Variants in TKFC observed in about 807,000 individuals in gnomAD.
The protein encoded by TKFC is triokinase and FMN cyclase.
In TKFC, 46 loss-of-function variants were observed where a neutral mutation model predicts 61.0. The observed-to-expected ratio is 0.75, with a 90% CI of 0.60 to 0.96. The LOEUF is 0.96. Ranked by LOEUF, TKFC falls within the 50% of genes least tolerant of loss-of-function variation. The pLI is 0.00. For synonymous variants in TKFC, 314 were observed against 330.1 expected, an observed-to-expected ratio of 0.95 and a Z score of 0.53; for missense variants, 715 against 777.5, an observed-to-expected ratio of 0.92 and a Z score of 0.96.
Position 61,347,151 on chromosome 11 carries a change from G to GA in TKFC, c.*650dup. 1 of 985,388 alleles carries GA rather than the reference G, an allele frequency of 1.0e-6. No individual in the cohort carries two copies. The highest frequency in any genetic ancestry group is 1.2e-6 in the Non-Finnish European group (1 of 829,952). 61.0% of individuals were successfully genotyped at this position (985,388 alleles called of 1,614,324 possible). A position where few individuals can be genotyped will look rare whatever the true frequency, so the allele number is the denominator to read the frequency against. Reference sequence around the variant, plus strand: ...TGGTAGAGGGGCTTTTCTTAGCATTGAATTAATAATTCAGTGGCTCCTCGG... The same window carrying GA: ...TGGTAGAGGGGCTTTTCTTAGCATTGAAATTAATAATTCAGTGGCTCCTCGG... On this transcript the variant is annotated 3_prime_UTR_variant, in exon 18 of 18. Transcript: ENST00000394900.
chr11:61,340,073 C>T (rs1305634490), intron 5 of TKFC, among the ~76,000 whole-genome samples: 5 of 151,970 alleles, frequency 3.3e-5, no homozygotes, highest in East Asian at 1.9e-4. Flanking sequence ...TGCAGTGGCG[C>T]GATCTTGGCT....
In TKFC at chr11:61,338,057, TGA is replaced by T. The variant is rs1262086169; in HGVS notation, c.121_122del (p.Asp41ProfsTer19). The T allele has an allele frequency of 5.0e-5, 80 of 1,612,370 alleles. No individual in the cohort carries two copies. The highest frequency in any genetic ancestry group is 6.4e-5 in the Non-Finnish European group (76 of 1,179,750). On this transcript the variant is annotated frameshift_variant, in exon 3 of 18. Coordinates refer to ENST00000394900, the MANE Select transcript of TKFC (RefSeq NM_015533.4). ...AGGGCCACCGCGTGGCCCTCCGTTC[TGA>T]CCTGGACAGCCTCAAGGGCCGGGTG... is the stretch of plus-strand genomic sequence containing the variant. The part of the protein sequence containing the change: ...LQGHRVALRS[D>X]LDSLKGRVAL...
chr11:61,345,545 C>T lies in TKFC; in HGVS notation c.1431C>T (p.Ala477=), dbSNP rs374174647. 1.5e-5 allele frequency: 24 copies of T among 1,612,978 alleles called. No individual in the cohort carries two copies. Among genetic ancestry groups the T allele is most frequent in the South Asian group, 2.2e-5 (2 of 91,092 alleles). ...CAGCCTGGTCTGCTGCCATGGATGC[C>T]GGCCTGGAAGCCATGCAGAAGTGAG... ...SLPAWSAAMD[A]GLEAMQKYGK... Residue 477 remains alanine, a synonymous_variant, in exon 15 of 18, where the codon GCC becomes GCT. Transcript: ENST00000394900.
chr11:61,333,529 C>G (rs1358221066), intron 1 of TKFC, 200 bp downstream of exon 1: 2 of 152,356 alleles, frequency 1.3e-5, no homozygotes, highest in Non-Finnish European at 2.9e-5. Flanking sequence ...ACCTTGCCTG[C>G]TTTCCTTTCA....
chr11:61,347,169 C>A lies in TKFC; in HGVS notation c.*666C>A, dbSNP rs1857170000. ...TAGCATTGAATTAATAATTCAGTGG[C>A]TCCTCGGGAGTCGAATGGGCATTTG... On this transcript the variant is annotated 3_prime_UTR_variant, in exon 18 of 18. Coordinates refer to ENST00000394900, the MANE Select transcript of TKFC (RefSeq NM_015533.4). 1 of 985,390 alleles carries A rather than the reference C, an allele frequency of 1.0e-6. No individual in the cohort carries two copies. The highest frequency in any genetic ancestry group is 1.2e-6 in the Non-Finnish European group (1 of 829,948). The allele number at this position is 985,390 out of a possible 1,614,324, so 61.0% of individuals were successfully genotyped here. A position where few individuals can be genotyped will look rare whatever the true frequency, so the allele number is the denominator to read the frequency against.
intron 2 of TKFC, chr11:61,336,300 A>T (rs548550698): frequency 5.2e-5 from 8 of 154,550 alleles, no homozygotes; most frequent in South Asian, 2.0e-4. Flanking sequence ...TGTACAAAGG[A>T]GCTGGTGCTA....
downstream of TKFC, chr11:61,351,117 C>T: frequency 1.9e-6 from 3 of 1,613,710 alleles, no homozygotes; most frequent in Non-Finnish European, 2.5e-6. Context: ...CCTCACTGGG[C>T]AGGCTGTGGT....
At chr11:61,342,545 T>A (rs1025640826) in intron 8 of TKFC, 29 bp from the exon 9 acceptor site, 1 of 1,613,916 alleles carries the variant, frequency 6.2e-7, no homozygotes, top group Non-Finnish European at 8.5e-7. Context: ...GCCCCCCAGA[T>A]GCAGCTCATT....
Position 61,339,646 on chromosome 11 carries a change from C to T in TKFC, c.486+211C>T, listed in dbSNP as rs545489322. On this transcript the variant is annotated intron_variant, in intron 5 of 17. Transcript: ENST00000394900. ...CAGACTCGTCCCCTTTTCTTCTCCA[C>T]ACCCAATCAGTTGCCCGGTCCTGGT... 1.9e-5 allele frequency: 11 copies of T among 591,326 alleles called. No homozygotes were observed. The African/African-American group carries it at 2.0e-4, about 11-fold the overall frequency. The allele number at this position is 591,326 out of a possible 1,614,324, so 36.6% of individuals were successfully genotyped here. A position where few individuals can be genotyped will look rare whatever the true frequency, so the allele number is the denominator to read the frequency against.
At chr11:61,350,739 C>A, downstream of TKFC, 1 of 600,586 alleles carries the variant, frequency 1.7e-6, no homozygotes, top group Admixed American at 3.1e-5. Context: ...CACTTCACCC[C>A]ACAGAACCAC....
rs1857156137 is a variant in TKFC, at chr11:61,346,897, AAACT to A, written c.*396_*399del. ...AGTGAGCGTGAAAAAGAAAGTTAAT[AAACT>A]ATAATACATGGAAGCAAGAAAGACA... On this transcript the variant is annotated 3_prime_UTR_variant, in exon 18 of 18. Coordinates refer to ENST00000394900, the MANE Select transcript of TKFC (RefSeq NM_015533.4). This position sits in a 1 kb window ranked among gnomAD's most constrained non-coding sequence, Gnocchi z 4.1. 1 of 999,812 alleles carries A rather than the reference AAACT, an allele frequency of 1.0e-6. No individual in the cohort carries two copies. Among genetic ancestry groups the A allele is most frequent in the South Asian group, 4.6e-5 (1 of 21,906 alleles). 61.9% of individuals were successfully genotyped at this position (999,812 alleles called of 1,614,324 possible).
At chr11:61,349,742 C>G, downstream of TKFC, 1 of 669,930 alleles carries the variant, frequency 1.5e-6, no homozygotes, top group Non-Finnish European at 2.7e-6. Flanking sequence ...GCAGAAGCTG[C>G]GTGGGCCGCC....
intron 11 of TKFC, 149 bp from the exon 12 acceptor site, chr11:61,343,707 G>A (rs983066064): frequency 1.7e-6 from 2 of 1,199,896 alleles, no homozygotes; most frequent in Non-Finnish European, 2.3e-6. Context: ...GTATACAGTA[G>A]GCACTCAGTC....
intron 7 of TKFC, chr11:61,342,243 T>C: frequency 4.7e-6 from 3 of 642,896 alleles, no homozygotes; most frequent in South Asian, 3.7e-5. Flanking sequence ...TTTCCTCGCC[T>C]GTGCTTCCTC....
In TKFC at chr11:61,346,666, A is replaced by G; in HGVS notation, c.*163A>G. On this transcript the variant is annotated 3_prime_UTR_variant, in exon 18 of 18. Transcript: ENST00000394900. This position sits in a 1 kb window ranked among gnomAD's most constrained non-coding sequence, Gnocchi z 4.1. ...TCCTCCACCAAGCTTCCAGAACTAC[A>G]GACAGCACCCAGAGTGAGCTGGAGT... 1 of 1,440,732 alleles carries G rather than the reference A, an allele frequency of 6.9e-7. No homozygotes were observed. The highest frequency in any genetic ancestry group is 9.1e-7 in the Non-Finnish European group (1 of 1,101,232). 89.2% of individuals were successfully genotyped at this position (1,440,732 alleles called of 1,614,324 possible). A position where few individuals can be genotyped will look rare whatever the true frequency, so the allele number is the denominator to read the frequency against.
Position 61,339,354 on chromosome 11 carries a change from G to A in TKFC, c.405G>A (p.Val135=). Residue 135 remains valine, a synonymous_variant, in exon 5 of 18, where the codon GTG becomes GTA. Transcript: ENST00000394900. ...CTGAAGGCATCCCGGTGGAGATGGTGGTGATTGGGGACGACAGCGCCTTCA... is the reference window on the plus strand; with the variant it reads ...CTGAAGGCATCCCGGTGGAGATGGTAGTGATTGGGGACGACAGCGCCTTCA... ...ARAEGIPVEM[V]VIGDDSAFTV... is the part of the protein sequence containing the mutation. 6.2e-7 allele frequency: 1 copy of A among 1,613,750 alleles called. No individual in the cohort carries two copies. The highest frequency in any genetic ancestry group is 1.3e-5 in the African/African-American group (1 of 75,066).
chr11:61,342,019 T>C, intron 7 of TKFC, 107 bp downstream of exon 7: 2 of 1,106,802 alleles, frequency 1.8e-6, no homozygotes, highest in Non-Finnish European at 2.6e-6. Context: ...CCAGGTGGTC[T>C]TAGTATTTTT....
Position 61,344,259 on chromosome 11 carries a change from G to A in TKFC, c.1226G>A (p.Ser409Asn). 1 of 1,613,008 alleles carries A rather than the reference G, an allele frequency of 6.2e-7. No homozygotes were observed. Among genetic ancestry groups the A allele is most frequent in the South Asian group, 1.1e-5 (1 of 91,048 alleles). ...AGDGDCGTTH[S>N]RAARAIQEWL... ...GACGGCGACTGTGGCACCACCCACA[G>A]CCGTGCGGCCAGAGGTTGGTGCCAG... Residue 409 changes from serine (S) to asparagine (N), a missense_variant, in exon 13 of 18, where the codon AGC (serine) becomes AAC (asparagine). Physicochemically the swap from Ser to Asn is conservative, Grantham distance 46. Coordinates refer to ENST00000394900, the MANE Select transcript of TKFC (RefSeq NM_015533.4).
chr11:61,342,931 C>T (rs1229613643), intron 10 of TKFC, 87 bp downstream of exon 10: 15 of 1,348,454 alleles, frequency 1.1e-5, no homozygotes, highest in East Asian at 4.7e-5. Context: ...ACGGACTGTG[C>T]GTCAGATAAG....
Sources: allele counts gnomAD v4.1 joint callset (sites outside exome capture counted in the v4.1 genomes callset), GRCh38; gene constraint gnomAD v4.1.1; non-coding constraint Gnocchi (gnomAD v3.1); transcripts MANE v1.5; gene names NCBI Gene and HGNC (gene_info 2026-07-23, HGNC 2026-07-21).